P4HA3: variants seen among roughly 807,000 people sequenced by gnomAD.
The protein encoded by P4HA3 is prolyl 4-hydroxylase subunit alpha 3, also known as prolyl 4-hydroxylase subunit alpha-3.
In P4HA3, 60 loss-of-function variants were observed where a neutral mutation model predicts 66.7. The ratio of observed to expected loss-of-function variants is 0.90; its 90% CI spans 0.73 to 1.12. P4HA3 has a LOEUF of 1.12. Ranked by LOEUF, P4HA3 falls within the 50% of genes most tolerant of loss-of-function variation. P4HA3 has a pLI of 0.00. For synonymous variants in P4HA3, 263 were observed against 274.6 expected (o/e 0.96, Z 0.42); for missense variants, 683 against 685.8 (o/e 1.00, Z 0.05).
chr11:74,269,282 T>C (rs1028148448), intron 11 of P4HA3, among the ~76,000 whole-genome samples: 3 of 152,182 alleles, frequency 2.0e-5, no homozygotes, highest in Non-Finnish European at 4.4e-5. Context: ...AATTTCCCTC[T>C]GCACCCTCCG....
At position 74,253,524 on chromosome 11, in the gene P4HA3, A is replaced by G. The variant is rs1315709709; in HGVS notation, c.*1319-5523T>C. On this transcript the variant is annotated intron_variant and NMD_transcript_variant, in intron 15 of 15. Coordinates refer to the P4HA3 transcript ENST00000524388. ...CCTGGCTGTTAGTGACCTGCTGTCCACCCCTCCTCAACATCGAGCTCTGTT... is the reference window on the plus strand; with the variant it reads ...CCTGGCTGTTAGTGACCTGCTGTCCGCCCCTCCTCAACATCGAGCTCTGTT... The G allele has an allele frequency of 2.5e-6, 4 of 1,602,154 alleles. No homozygotes were observed. In the African/African-American group the frequency reaches 4.0e-5, roughly 16 times the overall value.
intron 14 of P4HA3, chr11:74,260,220 T>G (rs1859885863): frequency 6.6e-6 from 1 of 152,270 alleles, no homozygotes; most frequent in East Asian, 1.9e-4. Context: ...GGGCTTGCCC[T>G]ACCTGTCCCA....
intron 6 of P4HA3, 68 bp from the exon 7 acceptor site, chr11:74,286,053 C>G (rs185737520): frequency 1.3e-3 from 2,035 of 1,519,852 alleles, no homozygotes; most frequent in Non-Finnish European, 1.5e-3. Context: ...CTTAGGGGAA[C>G]TATGGCATAA....
At chr11:74,257,093 G>A (rs1859842624) in intron 15 of P4HA3, among the ~76,000 whole-genome samples, 1 of 152,136 alleles carries the variant, frequency 6.6e-6, no homozygotes, top group South Asian at 2.1e-4. Flanking sequence ...AACCTATTTG[G>A]AAACAGGCCA....
At chr11:74,253,485 TC>T (rs1565398994) in intron 15 of P4HA3, 1 of 1,606,388 alleles carries the variant, frequency 6.2e-7, no homozygotes, top group Admixed American at 1.7e-5. Context: ...TTTCTGTTCT[TC>T]CACAGTGTGT....
chr11:74,272,197 C>T (rs116490474), intron 10 of P4HA3, among the ~76,000 whole-genome samples: 2,307 of 133,394 alleles, frequency 0.017, 68 homozygotes, highest in African/African-American at 0.065. Flanking sequence ...TGTGAAAGTG[C>T]ATGAGAGTGC....
At chr11:74,252,101 G>A (rs944367454) in intron 15 of P4HA3, among the ~76,000 whole-genome samples, 5 of 144,828 alleles carry the variant, frequency 3.5e-5, no homozygotes, top group African/African-American at 1.4e-4. Flanking sequence ...CATGGAGCAG[G>A]GCTTTTTTTT....
At chr11:74,299,723 A>AAAGCCC (rs1253985776) in intron 3 of P4HA3, among the ~76,000 whole-genome samples, 1 of 151,906 alleles carries the variant, frequency 6.6e-6, no homozygotes, top group Non-Finnish European at 1.5e-5. Context: ...AAAAGGGCTA[A>AAAGCCC]AAGCCCAAAC....
chr11:74,287,883 G>A (rs1369728646), intron 5 of P4HA3, among the ~76,000 whole-genome samples: 7 of 152,110 alleles, frequency 4.6e-5, no homozygotes, highest in African/African-American at 1.4e-4. Context: ...TGGGCATGGT[G>A]GCACATGGCT....
intron 10 of P4HA3, among the ~76,000 whole-genome samples, chr11:74,273,309 C>T (rs373499562): frequency 7.2e-5 from 11 of 152,264 alleles, no homozygotes; most frequent in African/African-American, 2.6e-4. Flanking sequence ...ACTGCCCATA[C>T]CAAGGTCATA....
intron 9 of P4HA3, 143 bp downstream of exon 9, chr11:74,276,842 C>T (rs1331960518): frequency 2.1e-6 from 2 of 952,812 alleles, no homozygotes; most frequent in Non-Finnish European, 3.0e-6. Context: ...GAAACTAAGG[C>T]TTTCAGATAT....
chr11:74,269,895 T>C (rs1023372093), intron 10 of P4HA3, among the ~76,000 whole-genome samples, 175 bp from the exon 11 acceptor site: 1 of 152,262 alleles, frequency 6.6e-6, no homozygotes, highest in African/African-American at 2.4e-5. Flanking sequence ...CTCAATGGCA[T>C]TGGTGTTTGC....
chr11:74,274,411 T>A (rs982396117), intron 9 of P4HA3, among the ~76,000 whole-genome samples: 2 of 151,494 alleles, frequency 1.3e-5, no homozygotes, highest in South Asian at 4.2e-4. Context: ...GTTCATGCCA[T>A]TCTCCTGCCT....
chr11:74,277,938 A>T (rs922828837), intron 8 of P4HA3, among the ~76,000 whole-genome samples: 4 of 152,226 alleles, frequency 2.6e-5, no homozygotes, highest in Non-Finnish European at 4.4e-5. Context: ...TAGTGTGTTC[A>T]TTCTTTCAAA....
rs181799529 is a variant in P4HA3 at position 74,280,217 on chromosome 11, G to A, written c.1111-765C>T. On this transcript the variant is annotated intron_variant, in intron 7 of 12. Transcript: ENST00000331597. ...TGCCCAGGCTGGAGTGCACTAGTAC[G>A]ATCATAGCTCACTACAGCCTCCAAC... is the stretch of plus-strand genomic sequence containing the variant. 1.1e-3 allele frequency among the ~76,000 whole-genome samples: 161 copies of A among 152,058 alleles called. 1 individual carries two copies. The highest frequency in any genetic ancestry group is 9.6e-3 in the Admixed American group (147 of 15,262).
chr11:74,302,248 A>T, intron 3 of P4HA3, 121 bp downstream of exon 3: 1 of 941,238 alleles, frequency 1.1e-6, no homozygotes, highest in Non-Finnish European at 1.6e-6. Flanking sequence ...GAAAATGGAA[A>T]TGATATCAAA....
chr11:74,276,668 G>A (rs1279350207), intron 9 of P4HA3, among the ~76,000 whole-genome samples: 2 of 152,150 alleles, frequency 1.3e-5, no homozygotes, highest in Non-Finnish European at 2.9e-5. Context: ...GGCCAGTTGA[G>A]ATCATGAGGC....
chr11:74,283,194 G>C (rs1045280671), intron 7 of P4HA3, among the ~76,000 whole-genome samples: 1 of 152,164 alleles, frequency 6.6e-6, no homozygotes, highest in African/African-American at 2.4e-5. Context: ...GGGGAAGGAA[G>C]TGTGCCAAGA....
chr11:74,275,568 T>A (rs982038594), intron 9 of P4HA3, among the ~76,000 whole-genome samples: 4 of 152,238 alleles, frequency 2.6e-5, no homozygotes, highest in African/African-American at 9.6e-5. Context: ...CTGCCTTGAT[T>A]CCTGTAGCTC....
Sources: gnomAD v4.1 joint callset for allele counts (sites outside exome capture counted in the v4.1 genomes callset) on GRCh38, gnomAD v4.1.1 for gene constraint, MANE v1.5 for transcripts, NCBI Gene and HGNC (gene_info 2026-07-23, HGNC 2026-07-21) for gene names.